GCNT4: variants seen among roughly 807,000 people sequenced by gnomAD.
The protein encoded by GCNT4 is glucosaminyl (N-acetyl) transferase 4.
GCNT4 carries 17 observed loss-of-function variants against 31.3 expected under a neutral mutation model. The ratio of observed to expected loss-of-function variants is 0.54; its 90% CI spans 0.37 to 0.81. The LOEUF is 0.81. GCNT4 is among the 40% of genes least tolerant of loss of function. The probability of loss-of-function intolerance (pLI) is 0.00; values close to 1 mark genes in which losing one functional copy is unlikely to be tolerated. For synonymous variants in GCNT4, 158 were observed against 190.6 expected, an observed-to-expected ratio of 0.83 and a Z score of 1.41; for missense variants, 503 against 525.5, an observed-to-expected ratio of 0.96 and a Z score of 0.42.
At chr5:75,021,555 T>C (rs12515891), downstream of GCNT4, among the ~76,000 whole-genome samples, 13,925 of 152,278 alleles carry the variant, frequency 0.091, 774 homozygotes, top group East Asian at 0.21. Context: ...ATAAGGTTTC[T>C]GGTTCTTTGC....
At chr5:75,043,410 T>C (rs1743363214) in intron 3 of GCNT4, among the ~76,000 whole-genome samples, 2 of 152,196 alleles carry the variant, frequency 1.3e-5, no homozygotes, top group South Asian at 4.1e-4. Flanking sequence ...ATATTGTTGG[T>C]GGTAGAAACA....
chr5:75,048,840 A>G (rs1397195490), intron 2 of GCNT4, among the ~76,000 whole-genome samples: 1 of 152,190 alleles, frequency 6.6e-6, no homozygotes, highest in Non-Finnish European at 1.5e-5. Context: ...CACAAGACGG[A>G]CCTGGAAAGG....
In GCNT4 at chr5:75,028,268, T is replaced by C; in HGVS notation, c.*408A>G. 1 of 170,926 alleles carries C rather than the reference T, an allele frequency of 5.9e-6. No individual in the cohort carries two copies. Among genetic ancestry groups the C allele is most frequent in the South Asian group, 1.6e-4 (1 of 6,198 alleles). The allele number at this position is 170,926 out of a possible 1,614,324, so 10.6% of individuals were successfully genotyped here. ...ACACTACTCTGAAATGGGTGGTTTA[T>C]ATGATCAGACGATTACCACAAACTT... is the stretch of plus-strand genomic sequence containing the variant. On this transcript the variant is annotated 3_prime_UTR_variant, in exon 4 of 4. Transcript: ENST00000652361.
At position 75,038,657 on chromosome 5, in the gene GCNT4, G is replaced by A. The variant is rs1021700342; in HGVS notation, c.-1-8619C>T. Among the ~76,000 whole-genome samples, 2 of 152,306 alleles carry A rather than the reference G, an allele frequency of 1.3e-5. 1 individual carries two copies. Among genetic ancestry groups the A allele is most frequent in the South Asian group, 4.1e-4 (2 of 4,824 alleles). On this transcript the variant is annotated intron_variant, in intron 3 of 3. Transcript: ENST00000652361. ...ATGGCAAAGGGCAGACGGGCAAAGG[G>A]GGGGAGAGGTGAATGAGCTCCCCCA... is the stretch of plus-strand genomic sequence containing the variant.
chr5:75,031,359 A>G (rs2149954683), intron 3 of GCNT4, among the ~76,000 whole-genome samples: 1 of 152,300 alleles, frequency 6.6e-6, no homozygotes, highest in African/African-American at 2.4e-5. Context: ...GGCATGAGCC[A>G]CCACCCTCAG....
intron 3 of GCNT4, among the ~76,000 whole-genome samples, chr5:75,037,259 G>GTGAA (rs1743218640): frequency 6.6e-6 from 1 of 152,140 alleles, no homozygotes; most frequent in African/African-American, 2.4e-5. Flanking sequence ...TCTGGAGTGA[G>GTGAA]ACCATTAGGT....
chr5:75,030,005 G>A lies in GCNT4; in HGVS notation c.33C>T (p.Thr11=). 1 of 1,604,960 alleles carries A rather than the reference G, an allele frequency of 6.2e-7. No homozygotes were observed. Among genetic ancestry groups the A allele is most frequent in the Non-Finnish European group, 8.5e-7 (1 of 1,177,218 alleles). The change falls in exon 4 of 4, where the codon ACC becomes ACT. Residue 11 remains threonine (T), a synonymous_variant. Transcript: ENST00000652361. ...ACAGGATGAAAACTTTCTGCTGTAG[G>A]GTATGTTTAAAATAACATTTGAATA... MKIFKCYFKH[T]LQQKVFILFL...
the GCNT4 span, among the ~76,000 whole-genome samples, chr5:75,018,712 T>C: frequency 3.3e-5 from 5 of 152,204 alleles, no homozygotes; most frequent in African/African-American, 1.2e-4. Context: ...GAGCAAAAAA[T>C]GCTATAAATG....
chr5:75,052,044 G>A (rs963969836), intron 2 of GCNT4, 125 bp downstream of exon 2: 4 of 152,090 alleles, frequency 2.6e-5, no homozygotes, highest in Non-Finnish European at 2.9e-5. Context: ...ACTTCCTTAA[G>A]AGACTATCAA....
Position 75,026,104 on chromosome 5 carries a change from T to A in GCNT4, c.*2572A>T, listed in dbSNP as rs1375087266. 1 of 152,320 alleles carries A rather than the reference T, an allele frequency of 6.6e-6. No individual in the cohort carries two copies. Among genetic ancestry groups the A allele is most frequent in the Admixed American group, 6.5e-5 (1 of 15,298 alleles). 9.4% of individuals were successfully genotyped at this position (152,320 alleles called of 1,614,324 possible). ...GACTGAGTCCAGAGAAATGTGTGAA[T>A]GTCTCGAAGGCACTTTCTCCGCTTC... is the stretch of plus-strand genomic sequence containing the variant. On this transcript the variant is annotated 3_prime_UTR_variant, in exon 4 of 4. Transcript: ENST00000652361.
chr5:75,025,880 A>C lies in GCNT4; in HGVS notation c.*2796T>G, dbSNP rs1175303579. The C allele has an allele frequency of 6.6e-6, 1 of 152,206 alleles. No homozygotes were observed. The highest frequency in any genetic ancestry group is 1.5e-5 in the Non-Finnish European group (1 of 68,042). The allele number at this position is 152,206 out of a possible 1,614,324, so 9.4% of individuals were successfully genotyped here. ...TTAGAAACTCTAAGGTTCTGGTCTG[A>C]TCTCTGAATAACTTAAAGTCTAGAT... On this transcript the variant is annotated 3_prime_UTR_variant, in exon 4 of 4. Transcript: ENST00000652361.
the GCNT4 span, among the ~76,000 whole-genome samples, chr5:75,019,943 C>T: frequency 6.6e-6 from 1 of 152,092 alleles, no homozygotes; most frequent in African/African-American, 2.4e-5. Flanking sequence ...ACATATGATA[C>T]AGTTGGAAAA....
chr5:75,042,011 C>A (rs1319897864), intron 3 of GCNT4, among the ~76,000 whole-genome samples: 1 of 152,172 alleles, frequency 6.6e-6, no homozygotes, highest in African/African-American at 2.4e-5. Flanking sequence ...AATACTTATG[C>A]CTTCAAATTT....
At position 75,046,178 on chromosome 5, in the gene GCNT4, C is replaced by T. The variant is rs544480045; in HGVS notation, c.-2+1719G>A. Among the ~76,000 whole-genome samples the T allele has an allele frequency of 5.3e-5, 8 of 152,270 alleles. No homozygotes were observed. In the South Asian group the frequency reaches 1.5e-3, roughly 28 times the overall value. On this transcript the variant is annotated intron_variant, in intron 3 of 3. Coordinates refer to ENST00000652361, the MANE Select transcript of GCNT4 (RefSeq NM_001366737.1). ...ATCATTCCATTTCTTTCTCCTGACACATCTGCCATTATGTCTCTCTGAATT... is the reference window on the plus strand; with the variant it reads ...ATCATTCCATTTCTTTCTCCTGACATATCTGCCATTATGTCTCTCTGAATT...
intron 3 of GCNT4, among the ~76,000 whole-genome samples, chr5:75,032,717 G>C (rs889001956): frequency 2.0e-5 from 3 of 152,162 alleles, no homozygotes; most frequent in African/African-American, 7.2e-5. Context: ...TCAGGCTCAA[G>C]GCCAGGGTTC....
intron 3 of GCNT4, among the ~76,000 whole-genome samples, chr5:75,034,377 G>A (rs1436514198): frequency 6.6e-6 from 1 of 152,230 alleles, no homozygotes; most frequent in Non-Finnish European, 1.5e-5. Context: ...CCCCGGGCCT[G>A]GAGGAATGGG....
chr5:75,027,338 A>AAT lies in GCNT4; in HGVS notation c.*1337_*1338insAT, dbSNP rs1742969058. On this transcript the variant is annotated 3_prime_UTR_variant, in exon 4 of 4. Transcript: ENST00000652361. Reference sequence around the variant, plus strand: ...TATATATAATATATATTCATATACAATATATGTATATATAATATATATATT... The same window carrying AAT: ...TATATATAATATATATTCATATACAAATTATATGTATATATAATATATATATT... 1 of 28,612 alleles carries AAT rather than the reference A, an allele frequency of 3.5e-5. No homozygotes were observed. The highest frequency in any genetic ancestry group is 4.9e-5 in the Non-Finnish European group (1 of 20,520). 1.8% of individuals were successfully genotyped at this position (28,612 alleles called of 1,614,324 possible). A position where few individuals can be genotyped will look rare whatever the true frequency, so the allele number is the denominator to read the frequency against.
At chr5:75,037,874 C>CAA in intron 3 of GCNT4, among the ~76,000 whole-genome samples, 1 of 134,372 alleles carries the variant, frequency 7.4e-6, no homozygotes, top group East Asian at 2.4e-4. Context: ...GATTCAGTCT[C>CAA]AAAAAAACAA....
intron 1 of GCNT4, 72 bp from the exon 2 acceptor site, chr5:75,052,299 C>G (rs988320620): frequency 6.6e-6 from 1 of 151,632 alleles, no homozygotes; most frequent in African/African-American, 2.4e-5. Flanking sequence ...TGCCCCAAGG[C>G]CAATATCGCC....
Sources: allele counts gnomAD v4.1 joint callset (sites outside exome capture counted in the v4.1 genomes callset), GRCh38; gene constraint gnomAD v4.1.1; transcripts MANE v1.5; gene names NCBI Gene and HGNC (gene_info 2026-07-23, HGNC 2026-07-21).